Variants in COL8A2 observed in about 807,000 individuals in gnomAD.
COL8A2 encodes collagen alpha-2(VIII) chain.
Under a neutral mutation model 24.0 loss-of-function variants are expected in COL8A2, and 16 were observed. The observed-to-expected ratio is 0.67, with a 90% CI of 0.45 to 1.01. COL8A2 has a LOEUF of 1.01. Ranked by LOEUF, COL8A2 falls within the 50% of genes least tolerant of loss-of-function variation. The pLI, the probability that COL8A2 is intolerant of heterozygous loss-of-function variation, is 0.00. For synonymous variants in COL8A2, 466 were observed against 424.5 expected (o/e 1.10, Z -1.20); for missense variants, 818 against 942.4 (o/e 0.87, Z 1.73).
In COL8A2 at chr1:36,098,607, A is replaced by AC. The variant is rs1401112972; in HGVS notation, c.1073dup (p.Pro359SerfsTer20). On this transcript the variant is annotated frameshift_variant, in exon 4 of 4. Transcript: ENST00000397799. LOFTEE classifies it high-confidence loss of function. Reference sequence around the variant, plus strand: ...CTGCAGACCCAGGAAGTCCAGGGGGACCCCCAAGACCCTGTGGGCCCTGCT... The same window carrying AC: ...CTGCAGACCCAGGAAGTCCAGGGGGACCCCCCAAGACCCTGTGGGCCCTGCT... The AC allele has an allele frequency of 6.2e-7, 1 of 1,609,288 alleles. No homozygotes were observed. Among genetic ancestry groups the AC allele is most frequent in the Non-Finnish European group, 8.5e-7 (1 of 1,178,620 alleles).
intron 2 of COL8A2, among the ~76,000 whole-genome samples, chr1:36,112,026 C>T (rs952904515): frequency 1.3e-4 from 20 of 152,032 alleles, no homozygotes; most frequent in African/African-American, 3.9e-4. Context: ...TTTTTTTAGA[C>T]GGAGTCTCGC....
chr1:36,098,510 C>T lies in COL8A2; in HGVS notation c.1171G>A (p.Gly391Ser), dbSNP rs1643614732. The change falls in exon 4 of 4, where the codon GGC becomes AGC. Residue 391 changes from glycine to serine, a missense_variant. Physicochemically the swap from Gly to Ser is moderately conservative, Grantham distance 56. Coordinates refer to ENST00000397799, the MANE Select transcript of COL8A2 (RefSeq NM_005202.4). ...CTAGGCCCCTGGTCACCTCGAATGC[C>T]AGGCACTCCTGGGGGTCCTCCAGGC... ...AGPGGPPGVP[G>S]IRGDQGPSGL... The T allele has an allele frequency of 1.3e-6, 2 of 1,591,120 alleles. No individual in the cohort carries two copies. Among genetic ancestry groups the T allele is most frequent in the East Asian group, 4.6e-5 (2 of 43,336 alleles).
intron 2 of COL8A2, among the ~76,000 whole-genome samples, chr1:36,103,728 T>C (rs1317371546): frequency 6.6e-6 from 1 of 151,030 alleles, no homozygotes; most frequent in Non-Finnish European, 1.5e-5. Flanking sequence ...GGACTACAGG[T>C]GCATGCCACC....
rs1557737485 is a variant in COL8A2 at position 36,098,075 on chromosome 1, AGGCCCCAGG to A, written c.1597_1605del (p.Pro533_Ala535del). The stretch of plus-strand genomic sequence containing the variant: ...AAGCCTGCGATGCCAGTCTCATCGA[AGGCCCCAGG>A]GGCACCAGGGGGTCCCGGGGGCCCG... On this transcript the variant is annotated inframe_deletion, in exon 4 of 4. Transcript: ENST00000397799. 11 of 1,570,588 alleles carry A rather than the reference AGGCCCCAGG, an allele frequency of 7.0e-6. No individual in the cohort carries two copies. Among genetic ancestry groups the A allele is most frequent in the South Asian group, 2.3e-5 (2 of 86,780 alleles).
At position 36,099,437 on chromosome 1, in the gene COL8A2, G is replaced by A; in HGVS notation, c.244C>T (p.Pro82Ser). The A allele has an allele frequency of 6.5e-7, 1 of 1,545,968 alleles. No individual in the cohort carries two copies. The highest frequency in any genetic ancestry group is 8.7e-7 in the Non-Finnish European group (1 of 1,150,670). Residue 82 changes from proline (P) to serine (S), a missense_variant, in exon 4 of 4, where the codon CCT becomes TCT. Pro to Ser is a moderately conservative substitution (Grantham distance 74). This residue lies in a region of COL8A2 where 573 missense variants were observed against 616.8 expected (regional missense o/e 0.93). Transcript: ENST00000397799. ...PMDLKGEPGP[P>S]GKPGPRGPPG... Reference sequence around the variant, plus strand: ...GGACCCCGAGGCCCGGGCTTCCCAGGGGGGCCGGGCTCTCCCTTCAGGTCC... The same window carrying A: ...GGACCCCGAGGCCCGGGCTTCCCAGAGGGGCCGGGCTCTCCCTTCAGGTCC...
chr1:36,098,220 G>A lies in COL8A2; in HGVS notation c.1461C>T (p.Gly487=). The change falls in exon 4 of 4, where the codon GGC becomes GGT. Residue 487 remains glycine (G), a synonymous_variant. Coordinates refer to ENST00000397799, the MANE Select transcript of COL8A2 (RefSeq NM_005202.4). ...TCCCCTCTCCAGGGGGCCCTGGCAG[G>A]CCTGGTTCCCCCTTCAGGCCCGGCA... ...QGLPGLKGEP[G]LPGPPGEGRA... is the part of the protein sequence containing the mutation. 6.5e-7 allele frequency: 1 copy of A among 1,541,560 alleles called. No homozygotes were observed. Among genetic ancestry groups the A allele is most frequent in the Non-Finnish European group, 8.7e-7 (1 of 1,144,364 alleles).
chr1:36,118,794 G>A (rs1024426465), intron 1 of COL8A2, among the ~76,000 whole-genome samples: 9 of 152,194 alleles, frequency 5.9e-5, no homozygotes, highest in African/African-American at 1.9e-4. Flanking sequence ...TGGCCATGAG[G>A]TGAACAATTG....
chr1:36,112,789 A>G (rs1044963064), intron 2 of COL8A2, among the ~76,000 whole-genome samples: 1 of 152,096 alleles, frequency 6.6e-6, no homozygotes, highest in Admixed American at 6.6e-5. Context: ...ACAGCCTATC[A>G]CCATGCAGGT....
chr1:36,124,295 G>A (rs138429780), intron 1 of COL8A2, among the ~76,000 whole-genome samples: 12 of 152,332 alleles, frequency 7.9e-5, no homozygotes, highest in African/African-American at 1.9e-4. Flanking sequence ...TGGCAATAGC[G>A]TTCCTGGGCC....
chr1:36,096,104 A>C lies in COL8A2; in HGVS notation c.*1465T>G, dbSNP rs1443570117. On this transcript the variant is annotated 3_prime_UTR_variant, in exon 4 of 4. Coordinates refer to ENST00000397799, the MANE Select transcript of COL8A2 (RefSeq NM_005202.4). ...GCAGTGCAACGAGATCACAGACCGA[A>C]TGACCCCAGTTCACACTTGGTACAA... The C allele has an allele frequency of 6.7e-6, 1 of 149,436 alleles. No individual in the cohort carries two copies. The highest frequency in any genetic ancestry group is 2.4e-5 in the African/African-American group (1 of 40,908). 9.3% of individuals were successfully genotyped at this position (149,436 alleles called of 1,614,324 possible).
chr1:36,105,368 A>G (rs953156682), intron 2 of COL8A2, among the ~76,000 whole-genome samples: 1 of 152,206 alleles, frequency 6.6e-6, no homozygotes, highest in Non-Finnish European at 1.5e-5. Context: ...AATCCCCTCA[A>G]CAAACCCATG....
At chr1:36,110,506 C>A (rs1397770083) in intron 2 of COL8A2, among the ~76,000 whole-genome samples, 3 of 139,760 alleles carry the variant, frequency 2.1e-5, no homozygotes, top group Admixed American at 2.0e-4. Context: ...ACTTTCTCAC[C>A]CAAGCTGGAG....
rs1643571439 is a variant in COL8A2 at position 36,096,738 on chromosome 1, A to AGAT, written c.*828_*830dup. 6.6e-6 allele frequency: 1 copy of AGAT among 152,280 alleles called. No homozygotes were observed. The highest frequency in any genetic ancestry group is 6.5e-5 in the Admixed American group (1 of 15,284). 9.4% of individuals were successfully genotyped at this position (152,280 alleles called of 1,614,324 possible). A position where few individuals can be genotyped will look rare whatever the true frequency, so the allele number is the denominator to read the frequency against. Reference sequence around the variant, plus strand: ...TTCTGCCTCCGCCACCATCTGCACTAGATACTTCTAGACACTTCACAGAGG... The same window carrying AGAT: ...TTCTGCCTCCGCCACCATCTGCACTAGATGATACTTCTAGACACTTCACAGAGG... On this transcript the variant is annotated 3_prime_UTR_variant, in exon 4 of 4. Transcript: ENST00000397799.
intron 1 of COL8A2, among the ~76,000 whole-genome samples, chr1:36,116,861 G>A (rs1450783734): frequency 6.6e-6 from 1 of 152,184 alleles, no homozygotes; most frequent in Non-Finnish European, 1.5e-5. Flanking sequence ...TTTAGTGGGG[G>A]AAGTGATGTG....
rs1180372842 is a variant in COL8A2 at position 36,099,103 on chromosome 1, T to C, written c.578A>G (p.Gln193Arg). 6.6e-7 allele frequency: 1 copy of C among 1,506,156 alleles called. No homozygotes were observed. Among genetic ancestry groups the C allele is most frequent in the East Asian group, 2.3e-5 (1 of 43,172 alleles). 93.3% of individuals were successfully genotyped at this position (1,506,156 alleles called of 1,614,324 possible). The change falls in exon 4 of 4, where the codon CAG (glutamine) becomes CGG (arginine). Residue 193 changes from glutamine (Q) to arginine (R), a missense_variant. Gln to Arg is a conservative substitution (Grantham distance 43). Transcript: ENST00000397799. ...PPGFQGEPGP[Q>R]GEPGPPGDRG... is the part of the protein sequence containing the mutation. ...ATCACCTGGGGGCCCAGGCTCCCCCTGGGGCCCTGGTTCCCCCTGGAATCC... is the reference window on the plus strand; with the variant it reads ...ATCACCTGGGGGCCCAGGCTCCCCCCGGGGCCCTGGTTCCCCCTGGAATCC...
rs149090959 is a variant in COL8A2 at position 36,112,295 on chromosome 1, G to A, written c.-17+3413C>T. Among the ~76,000 whole-genome samples, 1,186 of 152,202 alleles carry A rather than the reference G, an allele frequency of 7.8e-3. 24 individuals are homozygous for A. Among genetic ancestry groups the A allele is most frequent in the African/African-American group, 0.027 (1,101 of 41,518 alleles). On this transcript the variant is annotated intron_variant, in intron 2 of 3. Coordinates refer to ENST00000397799, the MANE Select transcript of COL8A2 (RefSeq NM_005202.4). Reference sequence around the variant, plus strand: ...TGGGATTACAGGCCTGAGCCACCGCGCCCGGCCTATTTTTGTTTTAAGGGT... The same window carrying A: ...TGGGATTACAGGCCTGAGCCACCGCACCCGGCCTATTTTTGTTTTAAGGGT...
intron 1 of COL8A2, among the ~76,000 whole-genome samples, chr1:36,122,943 C>T (rs1254695400): frequency 6.6e-6 from 1 of 152,130 alleles, no homozygotes; most frequent in African/African-American, 2.4e-5. Flanking sequence ...GCTTCCCCCT[C>T]CACACCTCTG....
intron 2 of COL8A2, among the ~76,000 whole-genome samples, chr1:36,101,593 A>C (rs1643679696): frequency 6.6e-6 from 1 of 152,218 alleles, no homozygotes; most frequent in African/African-American, 2.4e-5. Flanking sequence ...AGGTCTCCTC[A>C]TCCATGAAAT....
chr1:36,111,708 G>A (rs952852463), intron 2 of COL8A2, among the ~76,000 whole-genome samples: 7 of 152,032 alleles, frequency 4.6e-5, no homozygotes, highest in East Asian at 1.9e-4. Context: ...AAGCCACCAC[G>A]CTGGACTAAT....
Sources: allele counts gnomAD v4.1 joint callset (sites outside exome capture counted in the v4.1 genomes callset), GRCh38; gene constraint gnomAD v4.1.1; regional missense constraint gnomAD v4.1.1; transcripts MANE v1.5; gene names NCBI Gene and HGNC (gene_info 2026-07-23, HGNC 2026-07-21).